PAN3: variants seen among roughly 807,000 people sequenced by gnomAD.
PAN3 encodes PAN2-PAN3 deadenylation complex subunit PAN3.
Under a neutral mutation model 96.2 loss-of-function variants are expected in PAN3, and 19 were observed. The observed-to-expected ratio is 0.20, with a 90% CI of 0.14 to 0.29. The LOEUF (loss-of-function observed/expected upper bound fraction) is 0.29. Ranked by LOEUF, PAN3 falls within the 10% of genes least tolerant of loss-of-function variation. The pLI is 1.00. For synonymous variants in PAN3, 433 were observed against 406.6 expected (o/e 1.06, Z -0.78); for missense variants, 882 against 1,108.1 (o/e 0.80, Z 2.90).
Position 28,260,533 on chromosome 13 carries a change from G to C in PAN3, c.1335G>C (p.Met445Ile). Reference sequence around the variant, plus strand: ...AAGCAAACGCACCTTCCTTCTTCATGGCTGATGAACTCCGACAGGTATGCT... The same window carrying C: ...AAGCAAACGCACCTTCCTTCTTCATCGCTGATGAACTCCGACAGGTATGCT... ...QPKANAPSFF[M>I]ADELRQELIN... Residue 445 changes from methionine to isoleucine, a missense_variant, in exon 8 of 19, where the codon ATG becomes ATC. Met to Ile is a conservative substitution (Grantham distance 10, BLOSUM62 1). This residue lies in a region of PAN3 where 364 missense variants were observed against 513.6 expected (regional missense o/e 0.71). Coordinates refer to ENST00000380958, the MANE Select transcript of PAN3 (RefSeq NM_175854.8). 6.2e-7 allele frequency: 1 copy of C among 1,611,408 alleles called. No homozygotes were observed. The highest frequency in any genetic ancestry group is 8.5e-7 in the Non-Finnish European group (1 of 1,177,614).
At chr13:28,224,835 G>T (rs1881826039) in intron 6 of PAN3, among the ~76,000 whole-genome samples, 1 of 151,964 alleles carries the variant, frequency 6.6e-6, no homozygotes, top group Admixed American at 6.6e-5. Flanking sequence ...TATTTTCCAG[G>T]CTGGTCTCAA....
At chr13:28,197,695 A>G (rs1878225390) in intron 5 of PAN3, among the ~76,000 whole-genome samples, 1 of 151,852 alleles carries the variant, frequency 6.6e-6, no homozygotes, top group Non-Finnish European at 1.5e-5. Context: ...TCAGCCTCTC[A>G]AGTAGCTGGG....
At chr13:28,228,713 G>C (rs918684518) in intron 6 of PAN3, among the ~76,000 whole-genome samples, 8 of 152,212 alleles carry the variant, frequency 5.3e-5, no homozygotes, top group South Asian at 4.1e-4. Flanking sequence ...ACATCCTATT[G>C]ATGTTAATTA....
Position 28,220,280 on chromosome 13 carries a change from C to G in PAN3, c.902C>G (p.Ser301Cys). Residue 301 changes from serine to cysteine, a missense_variant, in exon 6 of 19, where the codon TCC (serine) becomes TGC (cysteine). Ser to Cys is a moderately radical substitution (Grantham distance 112). Around this residue, in one of 3 missense-constraint regions of PAN3, gnomAD observed 442 missense variants for 422.8 expected, o/e 1.05. Transcript: ENST00000380958. ...SEFIPKGGST[S>C]RLSNVSQSNM... ...TTTATTCCTAAAGGAGGATCAACCTCCAGGCTGAGTAACGTGTCCCAGTCA... is the reference window on the plus strand; with the variant it reads ...TTTATTCCTAAAGGAGGATCAACCTGCAGGCTGAGTAACGTGTCCCAGTCA... 6.2e-7 allele frequency: 1 copy of G among 1,613,794 alleles called. No individual in the cohort carries two copies.
chr13:28,248,197 T>G lies in PAN3; in HGVS notation c.1001-8095T>G, dbSNP rs1027456886. On this transcript the variant is annotated intron_variant, in intron 6 of 18. Transcript: ENST00000380958. ...TGTAGCTATTGCAAATGGGATTGCT[T>G]TCTTGATTTCTTCTTCAGGTTGTTC... Among the ~76,000 whole-genome samples, 5 of 152,270 alleles carry G rather than the reference T, an allele frequency of 3.3e-5. No individual in the cohort carries two copies. In the South Asian group the frequency reaches 8.3e-4, roughly 25 times the overall value.
intron 5 of PAN3, among the ~76,000 whole-genome samples, chr13:28,200,878 A>G (rs941164621): frequency 6.6e-6 from 1 of 152,156 alleles, no homozygotes; most frequent in African/African-American, 2.4e-5. Flanking sequence ...CTTACCATCC[A>G]TTTACTCCTT....
chr13:28,176,663 A>G (rs1593414248), intron 3 of PAN3, 104 bp downstream of exon 3: 1 of 1,114,178 alleles, frequency 9.0e-7, no homozygotes, highest in East Asian at 2.4e-5. Flanking sequence ...AAACGGGCAT[A>G]AAGAAGAAAA....
In PAN3 at chr13:28,224,092, C is replaced by A. The variant is rs1429989495; in HGVS notation, c.1000+3714C>A. Among the ~76,000 whole-genome samples, 10 of 151,870 alleles carry A rather than the reference C, an allele frequency of 6.6e-5. No homozygotes were observed. In the South Asian group the frequency reaches 2.1e-3, roughly 32 times the overall value. ...TTCACCATGTTAGCCAGGATGGTCT[C>A]GATCTCCTGACTTCGTGGTCTGCCC... On this transcript the variant is annotated intron_variant, in intron 6 of 18. Transcript: ENST00000380958.
At chr13:28,168,975 G>A (rs1005182910) in intron 1 of PAN3, among the ~76,000 whole-genome samples, 5 of 150,122 alleles carry the variant, frequency 3.3e-5, no homozygotes, top group Non-Finnish European at 7.4e-5. Context: ...CCGAGATCAC[G>A]CCACTACTCC....
chr13:28,269,739 A>G (rs958468038), intron 12 of PAN3, among the ~76,000 whole-genome samples: 2 of 152,120 alleles, frequency 1.3e-5, no homozygotes, highest in South Asian at 4.1e-4. Context: ...CTTCTTACAC[A>G]TATTTCCAGA....
At chr13:28,277,459 G>A (rs1887157061) in intron 15 of PAN3, 83 bp downstream of exon 15, 4 of 1,386,988 alleles carry the variant, frequency 2.9e-6, no homozygotes, top group Non-Finnish European at 3.9e-6. Flanking sequence ...GATTGTTTTG[G>A]TTCCCACTAT....
intron 10 of PAN3, 37 bp downstream of exon 10, chr13:28,266,913 CATT>C: frequency 6.7e-7 from 1 of 1,486,760 alleles, no homozygotes; most frequent in Non-Finnish European, 9.0e-7. Context: ...ATAATCGTAT[CATT>C]GAGGCTAAGA....
chr13:28,245,598 T>C (rs1884105378), intron 6 of PAN3, among the ~76,000 whole-genome samples: 1 of 152,186 alleles, frequency 6.6e-6, no homozygotes, highest in South Asian at 2.1e-4. Context: ...CAAAAGATCA[T>C]GGAACCATTA....
intron 5 of PAN3, among the ~76,000 whole-genome samples, chr13:28,201,116 T>G (rs1010223528): frequency 6.6e-6 from 1 of 151,898 alleles, no homozygotes; most frequent in Non-Finnish European, 1.5e-5. Context: ...CACCTCATAG[T>G]CTCGACCTCC....
chr13:28,167,663 C>T (rs1873756337), intron 1 of PAN3, among the ~76,000 whole-genome samples: 1 of 143,998 alleles, frequency 6.9e-6, no homozygotes, highest in Admixed American at 7.0e-5. Context: ...ATGGTGAAAC[C>T]CTGTCTCTAC....
chr13:28,181,875 T>C (rs1005577235), intron 4 of PAN3, among the ~76,000 whole-genome samples: 1 of 152,216 alleles, frequency 6.6e-6, no homozygotes, highest in African/African-American at 2.4e-5. Flanking sequence ...GAAGCACTGA[T>C]TTTCTTTTAT....
intron 1 of PAN3, among the ~76,000 whole-genome samples, chr13:28,143,972 G>C (rs1377245433): frequency 6.6e-6 from 1 of 152,076 alleles, no homozygotes; most frequent in Non-Finnish European, 1.5e-5. Context: ...TTTGCTGTTA[G>C]GATAGCTGGC....
intron 6 of PAN3, among the ~76,000 whole-genome samples, chr13:28,230,434 C>T (rs1882421191): frequency 6.6e-6 from 1 of 151,676 alleles, no homozygotes; most frequent in South Asian, 2.1e-4. Flanking sequence ...AAAAACAACC[C>T]TATGGTTCTG....
intron 5 of PAN3, among the ~76,000 whole-genome samples, chr13:28,219,561 A>G (rs1047091442): frequency 9.9e-5 from 15 of 152,246 alleles, no homozygotes; most frequent in African/African-American, 3.4e-4. Context: ...TAAAAATAGC[A>G]TGCCACTTGA....
Sources: allele counts gnomAD v4.1 joint callset (sites outside exome capture counted in the v4.1 genomes callset), GRCh38; gene constraint gnomAD v4.1.1; regional missense constraint gnomAD v4.1.1; transcripts MANE v1.5; gene names NCBI Gene and HGNC (gene_info 2026-07-23, HGNC 2026-07-21).